ENTREP2: variants seen among roughly 807,000 people sequenced by gnomAD.
The protein encoded by ENTREP2 is endosomal transmembrane epsin interactor 2.
chr15:29,279,934 C>A, the ENTREP2 span, among the ~76,000 whole-genome samples: 1 of 150,890 alleles, frequency 6.6e-6, no homozygotes, highest in Non-Finnish European at 1.5e-5. Flanking sequence ...TTCTTTTGCT[C>A]GCCTGGAAAA....
chr15:29,621,791 T>C, the ENTREP2 span, among the ~76,000 whole-genome samples: 1 of 151,994 alleles, frequency 6.6e-6, no homozygotes, highest in East Asian at 1.9e-4. Context: ...GAAAGCAGGG[T>C]CTTGAAGTGA....
the ENTREP2 span, among the ~76,000 whole-genome samples, chr15:29,561,467 C>G: frequency 6.6e-6 from 1 of 152,062 alleles, no homozygotes; most frequent in Admixed American, 6.5e-5. Flanking sequence ...GCAGGCCGAT[C>G]ACGAGGTCAG....
the ENTREP2 span, among the ~76,000 whole-genome samples, chr15:29,225,016 G>C: frequency 6.6e-6 from 1 of 152,198 alleles, no homozygotes; most frequent in Non-Finnish European, 1.5e-5. Flanking sequence ...CACTGCCCGG[G>C]CCGGCGGGCT....
the ENTREP2 span, among the ~76,000 whole-genome samples, chr15:29,644,109 G>C: frequency 1.3e-5 from 2 of 152,182 alleles, no homozygotes; most frequent in Non-Finnish European, 2.9e-5. Flanking sequence ...TTGTCAAGAA[G>C]AATAAATGAA....
the ENTREP2 span, among the ~76,000 whole-genome samples, chr15:29,336,918 G>A: frequency 6.6e-6 from 1 of 152,086 alleles, no homozygotes; most frequent in African/African-American, 2.4e-5. Context: ...TTCCGTCCAT[G>A]CTGTGTGCAT....
At chr15:29,447,155 AT>A in the ENTREP2 span, among the ~76,000 whole-genome samples, 28 of 152,360 alleles carry the variant, frequency 1.8e-4, no homozygotes, top group Admixed American at 1.1e-3. Flanking sequence ...AAATCAAATA[AT>A]TTTTAATTAA....
At chr15:29,467,401 A>G in the ENTREP2 span, among the ~76,000 whole-genome samples, 10 of 152,206 alleles carry the variant, frequency 6.6e-5, no homozygotes, top group Non-Finnish European at 1.3e-4. Flanking sequence ...GGATGAATAA[A>G]GGCAGAACAT....
chr15:29,196,035 G>A, the ENTREP2 span, among the ~76,000 whole-genome samples: 1 of 152,106 alleles, frequency 6.6e-6, no homozygotes, highest in African/African-American at 2.4e-5. Context: ...TCCCAGGGGA[G>A]ACTGTCTGAT....
At chr15:29,200,999 G>A in the ENTREP2 span, among the ~76,000 whole-genome samples, 2 of 152,130 alleles carry the variant, frequency 1.3e-5, no homozygotes, top group Admixed American at 1.3e-4. Flanking sequence ...CTTTTTAAGC[G>A]ATTTTTAATT....
chr15:29,289,697 T>C, the ENTREP2 span, among the ~76,000 whole-genome samples: 2 of 151,802 alleles, frequency 1.3e-5, no homozygotes, highest in Admixed American at 1.3e-4. Flanking sequence ...AATACAAAAA[T>C]TAGCCAGGCA....
chr15:29,311,686 TCC>T, the ENTREP2 span, among the ~76,000 whole-genome samples: 3 of 148,682 alleles, frequency 2.0e-5, no homozygotes, highest in African/African-American at 4.9e-5. Context: ...TGAGACTCCA[TCC>T]CCCCCCCAAA....
the ENTREP2 span, among the ~76,000 whole-genome samples, chr15:29,628,529 T>C: frequency 6.6e-6 from 1 of 152,238 alleles, no homozygotes; most frequent in Non-Finnish European, 1.5e-5. Flanking sequence ...CATTAGATCA[T>C]GTTGATTGAT....
the ENTREP2 span, among the ~76,000 whole-genome samples, chr15:29,218,974 A>G: frequency 3.9e-5 from 6 of 152,332 alleles, no homozygotes; most frequent in East Asian, 1.9e-4. Flanking sequence ...GACTTCAACT[A>G]AAGAGCTTTT....
the ENTREP2 span, among the ~76,000 whole-genome samples, chr15:29,302,800 CTTTT>C: frequency 6.6e-6 from 1 of 152,124 alleles, no homozygotes; most frequent in African/African-American, 2.4e-5. Flanking sequence ...GAAATATTCG[CTTTT>C]TTTATGTTTA....
At chr15:29,327,639 A>G in the ENTREP2 span, among the ~76,000 whole-genome samples, 1 of 152,028 alleles carries the variant, frequency 6.6e-6, no homozygotes, top group Non-Finnish European at 1.5e-5. Flanking sequence ...AAACATCACC[A>G]AAGAAGATAC....
At chr15:29,458,288 G>A in the ENTREP2 span, among the ~76,000 whole-genome samples, 3 of 152,104 alleles carry the variant, frequency 2.0e-5, no homozygotes, top group Non-Finnish European at 2.9e-5. Context: ...TCCACAGATT[G>A]GAGGATGCAT....
At chr15:29,655,684 A>G in the ENTREP2 span, among the ~76,000 whole-genome samples, 1 of 152,196 alleles carries the variant, frequency 6.6e-6, no homozygotes, top group Non-Finnish European at 1.5e-5. Context: ...TAAAAAATAA[A>G]AACTATGAGA....
chr15:29,242,752 C>G, the ENTREP2 span, among the ~76,000 whole-genome samples: 1 of 152,234 alleles, frequency 6.6e-6, no homozygotes, highest in Non-Finnish European at 1.5e-5. Context: ...AATGTCAGGG[C>G]TTGGAGAAAA....
chr15:29,184,058 G>A, the ENTREP2 span, among the ~76,000 whole-genome samples: 15 of 152,030 alleles, frequency 9.9e-5, no homozygotes, highest in Middle Eastern at 3.4e-3. Flanking sequence ...TTGGCTTACT[G>A]CATGCAGCCT....
Sources: allele counts gnomAD v4.1 joint callset (sites outside exome capture counted in the v4.1 genomes callset), GRCh38; gene constraint gnomAD v4.1.1; transcripts MANE v1.5; gene names NCBI Gene and HGNC (gene_info 2026-07-23, HGNC 2026-07-21).